Variants in CRB1 observed in about 807,000 individuals in gnomAD.
CRB1 encodes the protein crumbs cell polarity complex component 1, also known as protein crumbs homolog 1.
A neutral mutation model predicts 120.0 loss-of-function variants in CRB1; 83 were observed. That is an observed-to-expected ratio of 0.69 (90% CI 0.58 to 0.83). The LOEUF (loss-of-function observed/expected upper bound fraction) is 0.83. Ranked by LOEUF, CRB1 falls within the 40% of genes least tolerant of loss-of-function variation. The pLI, the probability that CRB1 is intolerant of heterozygous loss-of-function variation, is 0.00. For missense variants in CRB1, 1,699 were observed against 1,687.6 expected, an observed-to-expected ratio of 1.01 and a Z score of -0.12; for synonymous variants, 625 against 612.5, an observed-to-expected ratio of 1.02 and a Z score of -0.30.
chr1:197,312,427 A>G (rs1016624120), intron 1 of CRB1, among the ~76,000 whole-genome samples: 1 of 152,048 alleles, frequency 6.6e-6, no homozygotes, highest in Non-Finnish European at 1.5e-5. Flanking sequence ...CAAAACAAAC[A>G]AACAAAAAAG....
rs79819702 is a variant in CRB1, at chr1:197,425,098, C to T, written c.2129-2356C>T. Among the ~76,000 whole-genome samples, 1,256 of 152,290 alleles carry T rather than the reference C, an allele frequency of 8.2e-3. 22 individuals are homozygous for T. Among genetic ancestry groups the T allele is most frequent in the African/African-American group, 0.029 (1,208 of 41,568 alleles). On this transcript the variant is annotated intron_variant, in intron 6 of 11. Transcript: ENST00000367400. The stretch of plus-strand genomic sequence containing the variant: ...ATCCTGGGATGACCAGCAGGCACCC[C>T]GCTACCCCTGAGGTTGAGTGATTCT...
intron 5 of CRB1, 58 bp downstream of exon 5, chr1:197,357,071 G>C (rs907243355): frequency 1.3e-6 from 2 of 1,539,596 alleles, no homozygotes; most frequent in African/African-American, 2.7e-5. Flanking sequence ...GCAGACCATG[G>C]CTTTAACCAA....
At chr1:197,357,342 T>C (rs1660543150) in intron 5 of CRB1, 10 of 371,828 alleles carry the variant, frequency 2.7e-5, no homozygotes, top group South Asian at 2.6e-4. Context: ...GATAATGATG[T>C]TAAATTTTAT....
At chr1:197,476,517 GC>G (rs1344067381) in intron 11 of CRB1, among the ~76,000 whole-genome samples, 35 of 152,004 alleles carry the variant, frequency 2.3e-4, no homozygotes, top group Admixed American at 2.2e-3. Context: ...AATAAGTATT[GC>G]TGATTGAATG....
chr1:197,219,211 C>G, the CRB1 span, among the ~76,000 whole-genome samples: 7 of 152,318 alleles, frequency 4.6e-5, no homozygotes, highest in South Asian at 1.2e-3. Flanking sequence ...AAATCTGACT[C>G]ATAATTTTAT....
chr1:197,318,456 A>C (rs1657984127), intron 1 of CRB1, among the ~76,000 whole-genome samples: 1 of 152,218 alleles, frequency 6.6e-6, no homozygotes, highest in South Asian at 2.1e-4. Context: ...TCCTCAAAAA[A>C]TAAAAATAGA....
chr1:197,378,355 C>T (rs930309985), intron 5 of CRB1, among the ~76,000 whole-genome samples: 5 of 152,216 alleles, frequency 3.3e-5, no homozygotes, highest in African/African-American at 1.2e-4. Flanking sequence ...ATTACTATTA[C>T]ATTTTCCCAG....
At chr1:197,446,189 C>CAAAA (rs60054949) in intron 11 of CRB1, among the ~76,000 whole-genome samples, 9 of 143,206 alleles carry the variant, frequency 6.3e-5, no homozygotes, top group East Asian at 4.1e-4. Context: ...GACTTTGTCT[C>CAAAA]AAAAAAAAAA....
upstream of CRB1, among the ~76,000 whole-genome samples, chr1:197,265,070 C>T (rs568536105): frequency 6.6e-6 from 1 of 152,252 alleles, no homozygotes; most frequent in African/African-American, 2.4e-5. Context: ...TTTTCCCACT[C>T]ATTGTGTCCA....
the CRB1 span, among the ~76,000 whole-genome samples, chr1:197,215,002 T>A: frequency 1.3e-5 from 2 of 152,280 alleles, no homozygotes; most frequent in Middle Eastern, 3.4e-3. Context: ...GATCAAGTGG[T>A]ATTTTATCCC....
Position 197,435,558 on chromosome 1 carries a change from A to T in CRB1, c.3695A>T (p.His1232Leu). ...GCAAATGGAGCCACCTGCATTAGTC[A>T]TACTAATGGCTATTCTTGCCTCTGT... ...QCANGATCISHTNGYSCLCFG... is the reference protein window; with the variant it reads ...QCANGATCISLTNGYSCLCFG... The change falls in exon 9 of 12, where the codon CAT becomes CTT. Residue 1232 changes from histidine to leucine, a missense_variant. His to Leu is a moderately conservative substitution (Grantham distance 99, BLOSUM62 -3). Coordinates refer to ENST00000367400, the MANE Select transcript of CRB1 (RefSeq NM_201253.3). 3.1e-6 allele frequency: 5 copies of T among 1,613,524 alleles called. No homozygotes were observed. Among genetic ancestry groups the T allele is most frequent in the Non-Finnish European group, 4.2e-6 (5 of 1,179,678 alleles).
chr1:197,360,146 A>C (rs572469517), intron 5 of CRB1, among the ~76,000 whole-genome samples: 2 of 152,220 alleles, frequency 1.3e-5, no homozygotes, highest in African/African-American at 4.8e-5. Flanking sequence ...TCAGCCACAT[A>C]AGAATGGGCC....
the CRB1 span, among the ~76,000 whole-genome samples, chr1:197,251,516 G>A: frequency 2.6e-5 from 4 of 152,012 alleles, no homozygotes; most frequent in African/African-American, 9.7e-5. Flanking sequence ...TAGCATTAAA[G>A]CTCAGGACTG....
At chr1:197,226,335 C>A in the CRB1 span, among the ~76,000 whole-genome samples, 1 of 152,052 alleles carries the variant, frequency 6.6e-6, no homozygotes, top group African/African-American at 2.4e-5. Context: ...TCATTTCTAC[C>A]TGAAGTCCAA....
intron 8 of CRB1, among the ~76,000 whole-genome samples, chr1:197,431,222 T>C (rs554063379): frequency 1.3e-5 from 2 of 152,300 alleles, no homozygotes; most frequent in Admixed American, 1.3e-4. Flanking sequence ...TTTACTTTTA[T>C]GTTTCTGTAC....
At chr1:197,344,051 A>G (rs978320551) in intron 2 of CRB1, among the ~76,000 whole-genome samples, 1 of 152,250 alleles carries the variant, frequency 6.6e-6, no homozygotes, top group Non-Finnish European at 1.5e-5. Flanking sequence ...TTCACGGACT[A>G]AACACCACAA....
At chr1:197,450,025 T>G (rs563939541) in intron 11 of CRB1, among the ~76,000 whole-genome samples, 46 of 152,268 alleles carry the variant, frequency 3.0e-4, no homozygotes, top group Middle Eastern at 3.4e-3. Flanking sequence ...GAGACTGCAC[T>G]CCAAAAAAAT....
At chr1:197,365,515 A>G (rs1279297058) in intron 5 of CRB1, among the ~76,000 whole-genome samples, 1 of 151,482 alleles carries the variant, frequency 6.6e-6, no homozygotes, top group African/African-American at 2.4e-5. Context: ...GGGAGAAGGG[A>G]GGCTCAGCAA....
At chr1:197,377,968 A>G (rs1661734084) in intron 5 of CRB1, among the ~76,000 whole-genome samples, 1 of 152,164 alleles carries the variant, frequency 6.6e-6, no homozygotes. Context: ...AGTCAAGCGT[A>G]TGTTCTTAGT....
Sources: gnomAD v4.1 joint callset for allele counts (sites outside exome capture counted in the v4.1 genomes callset) on GRCh38, gnomAD v4.1.1 for gene constraint, MANE v1.5 for transcripts, NCBI Gene and HGNC (gene_info 2026-07-23, HGNC 2026-07-21) for gene names.